Variants in KCNT2 observed in about 807,000 individuals in gnomAD.
KCNT2 encodes the protein potassium channel subfamily T member 2.
Under a neutral mutation model 153.8 loss-of-function variants are expected in KCNT2, and 67 were observed. That is an observed-to-expected ratio of 0.44 (90% CI 0.36 to 0.53). The LOEUF (loss-of-function observed/expected upper bound fraction) is 0.53, where lower values mean the gene tolerates loss of function less well. Ranked by LOEUF, KCNT2 falls within the 20% of genes least tolerant of loss-of-function variation. KCNT2 has a pLI of 0.00. For synonymous variants in KCNT2, 500 were observed against 458.8 expected (o/e 1.09, Z -1.15); for missense variants, 975 against 1,354.8 (o/e 0.72, Z 4.40).
chr1:196,283,129 C>A (rs1659277374), intron 23 of KCNT2, among the ~76,000 whole-genome samples: 1 of 152,178 alleles, frequency 6.6e-6, no homozygotes, highest in African/African-American at 2.4e-5. Flanking sequence ...CTGGCATAAG[C>A]CAACACACCA....
At chr1:196,586,533 G>C (rs115363259) in intron 1 of KCNT2, among the ~76,000 whole-genome samples, 3 of 151,714 alleles carry the variant, frequency 2.0e-5, no homozygotes, top group Admixed American at 1.3e-4. Flanking sequence ...ATTATTATTC[G>C]TTTCTGTTAT....
Position 196,255,246 on chromosome 1 carries a change from A to T in KCNT2, c.3211+2948T>A, listed in dbSNP as rs143706926. 1.1e-3 allele frequency among the ~76,000 whole-genome samples: 163 copies of T among 151,900 alleles called. 2 individuals are homozygous for T. In the East Asian group the frequency reaches 0.028, roughly 26 times the overall value. On this transcript the variant is annotated intron_variant, in intron 26 of 27. Transcript: ENST00000294725. ...AAAATCTTTTCACTTGCATTCTATT[A>T]TTTGACAATTATAACTAACACATCA...
intron 8 of KCNT2, among the ~76,000 whole-genome samples, chr1:196,460,550 G>A (rs917097233): frequency 1.3e-4 from 20 of 151,500 alleles, no homozygotes; most frequent in African/African-American, 3.4e-4. Context: ...GAGTCTTTGC[G>A]CTCATGAATT....
chr1:196,257,605 A>C, intron 26 of KCNT2: 4 of 930,974 alleles, frequency 4.3e-6, no homozygotes, highest in Non-Finnish European at 5.1e-6. Context: ...GCTTTGCATT[A>C]TTTATTTAAG....
intron 26 of KCNT2, among the ~76,000 whole-genome samples, chr1:196,252,995 A>T (rs1031722040): frequency 6.6e-6 from 1 of 151,116 alleles, no homozygotes; most frequent in South Asian, 2.1e-4. Context: ...GCAGTTTTGT[A>T]TATTGTTTCT....
chr1:196,336,518 T>G (rs1441133861), intron 16 of KCNT2, among the ~76,000 whole-genome samples: 1 of 152,192 alleles, frequency 6.6e-6, no homozygotes, highest in African/African-American at 2.4e-5. Flanking sequence ...TCTGCCTTCC[T>G]TACTTGCTTG....
chr1:196,282,196 A>T, intron 24 of KCNT2, 77 bp downstream of exon 24: 1 of 678,184 alleles, frequency 1.5e-6, no homozygotes, highest in Non-Finnish European at 2.5e-6. Flanking sequence ...ACATAGAAGA[A>T]TTAGCAAAGT....
chr1:196,249,045 A>G (rs1655703009), intron 26 of KCNT2, among the ~76,000 whole-genome samples: 1 of 152,204 alleles, frequency 6.6e-6, no homozygotes, highest in South Asian at 2.1e-4. Context: ...ATGAAGGACA[A>G]AAACCAAATG....
chr1:196,347,025 A>G (rs1666202062), intron 14 of KCNT2, among the ~76,000 whole-genome samples: 1 of 152,116 alleles, frequency 6.6e-6, no homozygotes, highest in African/African-American at 2.4e-5. Flanking sequence ...GGCTTTGATG[A>G]TCTTGCCAGC....
intron 18 of KCNT2, among the ~76,000 whole-genome samples, 189 bp from the exon 19 acceptor site, chr1:196,327,078 G>C (rs886744939): frequency 1.1e-4 from 17 of 152,040 alleles, no homozygotes; most frequent in Non-Finnish European, 8.8e-5. Context: ...AAGTGTGCAT[G>C]GACAAGGAAA....
chr1:196,580,270 G>A (rs995475524), intron 1 of KCNT2, among the ~76,000 whole-genome samples: 1 of 152,112 alleles, frequency 6.6e-6, no homozygotes, highest in South Asian at 2.1e-4. Flanking sequence ...GCTCAACAGA[G>A]AAAAAAGTGA....
chr1:196,568,301 C>T (rs553689722), intron 1 of KCNT2, among the ~76,000 whole-genome samples: 1 of 152,112 alleles, frequency 6.6e-6, no homozygotes, highest in Admixed American at 6.6e-5. Context: ...CTATAAAAAT[C>T]TAATGCCACA....
At chr1:196,595,276 A>C (rs1465843862) in intron 1 of KCNT2, among the ~76,000 whole-genome samples, 1 of 152,114 alleles carries the variant, frequency 6.6e-6, no homozygotes, top group African/African-American at 2.4e-5. Flanking sequence ...GATATTAATG[A>C]ATTAATGATA....
intron 25 of KCNT2, among the ~76,000 whole-genome samples, chr1:196,264,476 G>T (rs1279469231): frequency 1.3e-4 from 20 of 151,956 alleles, no homozygotes; most frequent in Admixed American, 1.3e-3. Flanking sequence ...ATCATAAATA[G>T]TCTGCCTCCA....
At chr1:196,534,311 G>C (rs1465162854) in intron 1 of KCNT2, among the ~76,000 whole-genome samples, 1 of 152,060 alleles carries the variant, frequency 6.6e-6, no homozygotes, top group African/African-American at 2.4e-5. Context: ...TTTCCTACTA[G>C]ACTCTGTGGA....
At chr1:196,313,028 G>C (rs973863704) in intron 21 of KCNT2, among the ~76,000 whole-genome samples, 1 of 151,586 alleles carries the variant, frequency 6.6e-6, no homozygotes, top group Non-Finnish European at 1.5e-5. Flanking sequence ...AGAGAAAAGG[G>C]AGAGAGTTGA....
At chr1:196,429,008 C>CT (rs143860054) in intron 9 of KCNT2, among the ~76,000 whole-genome samples, 532 of 138,848 alleles carry the variant, frequency 3.8e-3, no homozygotes, top group Middle Eastern at 0.011. Flanking sequence ...CATGTTCAGA[C>CT]TTTTTTTTTT....
At chr1:196,451,407 A>ACT (rs1491122191) in intron 8 of KCNT2, among the ~76,000 whole-genome samples, 211 of 62,860 alleles carry the variant, frequency 3.4e-3, no homozygotes, top group Non-Finnish European at 5.1e-3. Context: ...CACCCAACAC[A>ACT]TTTTTTTTTT....
chr1:196,380,501 C>T (rs1382369048), intron 13 of KCNT2, among the ~76,000 whole-genome samples: 2 of 152,182 alleles, frequency 1.3e-5, no homozygotes, highest in African/African-American at 2.4e-5. Context: ...CTAGAAACCT[C>T]TTCCATGCAG....
Sources: allele counts gnomAD v4.1 joint callset (sites outside exome capture counted in the v4.1 genomes callset), GRCh38; gene constraint gnomAD v4.1.1; transcripts MANE v1.5; gene names NCBI Gene and HGNC (gene_info 2026-07-23, HGNC 2026-07-21).